The following PCDHA5 variants were observed in gnomAD, a reference collection of about 807,000 sequenced individuals.
PCDHA5 encodes protocadherin alpha 5.
A neutral mutation model predicts 61.6 loss-of-function variants in PCDHA5; 43 were observed. The observed-to-expected ratio is 0.70, with a 90% CI of 0.55 to 0.90. The LOEUF is 0.90. Ranked by LOEUF, PCDHA5 falls within the 40% of genes least tolerant of loss-of-function variation. The pLI, the probability that PCDHA5 is intolerant of heterozygous loss-of-function variation, is 0.00. For missense variants in PCDHA5, 1,298 were observed against 1,222.7 expected (o/e 1.06, Z -0.92); for synonymous variants, 627 against 543.9 (o/e 1.15, Z -2.13).
In PCDHA5 at chr5:140,856,189, C is replaced by A. The variant is rs1399826536; in HGVS notation, c.2352+32062C>A. On this transcript the variant is annotated intron_variant, in intron 1 of 3. Transcript: ENST00000529859. ...GACACGGCACCTTCGTGGGCCGCAT[C>A]GCGCAGGACCTGGGGCTGGAGCTGG... 11 of 1,598,094 alleles carry A rather than the reference C, an allele frequency of 6.9e-6. 1 individual carries two copies. In the African/African-American group the frequency reaches 1.5e-4, roughly 22 times the overall value.
chr5:140,990,998 T>C (rs994699186), intron 3 of PCDHA5, among the ~76,000 whole-genome samples: 1 of 152,216 alleles, frequency 6.6e-6, no homozygotes, highest in Non-Finnish European at 1.5e-5. Flanking sequence ...CTACCATTTA[T>C]TGAGAACTGT....
In PCDHA5 at chr5:140,836,627, G is replaced by A. The variant is rs1580852478; in HGVS notation, c.2352+12500G>A. 7 of 1,613,588 alleles carry A rather than the reference G, an allele frequency of 4.3e-6. No individual in the cohort carries two copies. In the East Asian group the frequency reaches 1.3e-4, roughly 31 times the overall value. On this transcript the variant is annotated intron_variant, in intron 1 of 3. Coordinates refer to ENST00000529859, the MANE Select transcript of PCDHA5 (RefSeq NM_018908.3). ...TGTGCTCCAGCGCGGTGGGGAGCTG[G>A]TCATTCTCCCAGCAGAGGCGGCAGA...
At chr5:140,841,743 T>A (rs1554138513) in intron 1 of PCDHA5, 1 of 1,613,818 alleles carries the variant, frequency 6.2e-7, no homozygotes, top group Admixed American at 1.7e-5. Context: ...CAAAAGCTGT[T>A]TGTTTCAGAA....
chr5:140,829,141 A>G, intron 1 of PCDHA5: 1 of 1,613,462 alleles, frequency 6.2e-7, no homozygotes, highest in Non-Finnish European at 8.5e-7. Flanking sequence ...TCCCTGAGAT[A>G]GCACTGACTT....
intron 1 of PCDHA5, among the ~76,000 whole-genome samples, chr5:140,901,976 T>C (rs1470395593): frequency 6.6e-6 from 1 of 152,164 alleles, no homozygotes; most frequent in African/African-American, 2.4e-5. Context: ...ATGGGATTAC[T>C]TTTTAATTTC....
intron 1 of PCDHA5, chr5:140,830,270 C>G: frequency 1.2e-6 from 2 of 1,613,610 alleles, no homozygotes; most frequent in Non-Finnish European, 1.7e-6. Flanking sequence ...CTCGGCGCCA[C>G]CCACCGAGGG....
chr5:140,920,133 C>A (rs1463322279), intron 1 of PCDHA5, among the ~76,000 whole-genome samples: 7 of 152,178 alleles, frequency 4.6e-5, no homozygotes, highest in African/African-American at 1.4e-4. Flanking sequence ...AGTTTTAATT[C>A]TCCTCTCCAA....
chr5:140,929,112 C>A, intron 1 of PCDHA5: 1 of 1,614,130 alleles, frequency 6.2e-7, no homozygotes, highest in South Asian at 1.1e-5. Flanking sequence ...TGACATCAGC[C>A]ACCATAGATG....
chr5:140,891,123 T>G (rs2153433075), intron 1 of PCDHA5, among the ~76,000 whole-genome samples: 1 of 152,342 alleles, frequency 6.6e-6, no homozygotes, highest in East Asian at 1.9e-4. Context: ...AATCTAAATG[T>G]CATTCCTTTA....
chr5:140,836,843 ATAAT>A, intron 1 of PCDHA5: 1 of 826,772 alleles, frequency 1.2e-6, no homozygotes, highest in Non-Finnish European at 1.8e-6. Context: ...AGCTTTATGT[ATAAT>A]TATTATTTTT....
At position 140,980,488 on chromosome 5, in the gene PCDHA5, G is replaced by A. The variant is rs372283383; in HGVS notation, c.2411+1481G>A. Among the ~76,000 whole-genome samples, 12 of 152,250 alleles carry A rather than the reference G, an allele frequency of 7.9e-5. No individual in the cohort carries two copies. The East Asian group carries it at 1.9e-3, about 25-fold the overall frequency. Reference sequence around the variant, plus strand: ...CTACTAAAAATACAAAAATTAGCTGGGCGTGATGGCATGTGCCTGTAGTTC... The same window carrying A: ...CTACTAAAAATACAAAAATTAGCTGAGCGTGATGGCATGTGCCTGTAGTTC... On this transcript the variant is annotated intron_variant, in intron 2 of 3. Transcript: ENST00000529859.
intron 1 of PCDHA5, chr5:140,829,507 C>A: frequency 1.2e-6 from 2 of 1,613,584 alleles, no homozygotes; most frequent in Non-Finnish European, 1.7e-6. Context: ...CGCCGGGCTG[C>A]CACATCTTCA....
At chr5:140,836,089 G>C (rs2150252436) in intron 1 of PCDHA5, 12 of 1,613,682 alleles carry the variant, frequency 7.4e-6, no homozygotes, top group South Asian at 5.5e-5. Context: ...CTGGCGCCTC[G>C]GGTGGGTGGC....
chr5:140,842,820 G>A (rs1554139418), intron 1 of PCDHA5: 2 of 1,593,888 alleles, frequency 1.3e-6, no homozygotes, highest in African/African-American at 2.7e-5. Context: ...CGGCGGGTGG[G>A]CGAGCGCTCG....
chr5:140,930,072 C>G (rs2086579078), intron 1 of PCDHA5: 1 of 152,132 alleles, frequency 6.6e-6, no homozygotes, highest in Admixed American at 6.5e-5. Flanking sequence ...AACTGTAAGC[C>G]TCTCTCATAA....
intron 1 of PCDHA5, among the ~76,000 whole-genome samples, chr5:140,961,406 G>C (rs1046743232): frequency 4.6e-5 from 7 of 152,008 alleles, no homozygotes; most frequent in Non-Finnish European, 1.0e-4. Flanking sequence ...AACACTTTTT[G>C]GCATGTTATT....
At chr5:140,939,152 G>A (rs1486129737) in intron 1 of PCDHA5, among the ~76,000 whole-genome samples, 20 of 152,068 alleles carry the variant, frequency 1.3e-4, no homozygotes, top group Admixed American at 1.2e-3. Context: ...CAAGGTCCTG[G>A]CAGATTTGTG....
At chr5:140,968,668 G>A (rs1365342675) in intron 1 of PCDHA5, 3 of 1,614,038 alleles carry the variant, frequency 1.9e-6, no homozygotes, top group African/African-American at 1.3e-5. Flanking sequence ...ACCTCTTTAA[G>A]GTAGAGCTGC....
chr5:140,965,591 C>T (rs1440117062), intron 1 of PCDHA5, among the ~76,000 whole-genome samples: 1 of 151,692 alleles, frequency 6.6e-6, no homozygotes, highest in Non-Finnish European at 1.5e-5. Context: ...AATGGTTTTG[C>T]AGACTCTTGA....
Sources: gnomAD v4.1 joint callset for allele counts (sites outside exome capture counted in the v4.1 genomes callset) on GRCh38, gnomAD v4.1.1 for gene constraint, MANE v1.5 for transcripts, NCBI Gene and HGNC (gene_info 2026-07-23, HGNC 2026-07-21) for gene names.